Variants in SNX18 observed in about 807,000 individuals in gnomAD.
SNX18 encodes sorting nexin 18, also known as sorting nexin-18.
SNX18 carries 35 observed loss-of-function variants against 48.7 expected under a neutral mutation model. The observed-to-expected ratio is 0.72, with a 90% CI of 0.55 to 0.95. The LOEUF (loss-of-function observed/expected upper bound fraction) is 0.95. SNX18 is among the 40% of genes least tolerant of loss of function. The pLI is 0.00. For synonymous variants in SNX18, 492 were observed against 384.7 expected (o/e 1.28, Z -3.26); for missense variants, 824 against 871.0 (o/e 0.95, Z 0.68).
the SNX18 span, among the ~76,000 whole-genome samples, chr5:54,566,017 C>T: frequency 2.6e-5 from 4 of 152,188 alleles, no homozygotes; most frequent in Non-Finnish European, 5.9e-5. Flanking sequence ...CATAGTCCTT[C>T]TCAACCCGCA....
intron 1 of SNX18, among the ~76,000 whole-genome samples, chr5:54,539,554 C>CTT (rs1385337901): frequency 5.1e-4 from 77 of 152,224 alleles, no homozygotes; most frequent in African/African-American, 1.8e-3. Context: ...TGGAGAAAGC[C>CTT]ATATTCAACT....
intron 1 of SNX18, among the ~76,000 whole-genome samples, chr5:54,526,866 A>G (rs951109111): frequency 1.2e-4 from 19 of 152,104 alleles, no homozygotes; most frequent in African/African-American, 4.3e-4. Context: ...AGTACTAGTA[A>G]GAGTGCTCAA....
At chr5:54,572,373 C>T in the SNX18 span, among the ~76,000 whole-genome samples, 1 of 152,098 alleles carries the variant, frequency 6.6e-6, no homozygotes, top group Admixed American at 6.6e-5. Context: ...AGAGTCCCAC[C>T]ATCACTGGCT....
At chr5:54,580,261 T>C in the SNX18 span, among the ~76,000 whole-genome samples, 3 of 152,186 alleles carry the variant, frequency 2.0e-5, no homozygotes, top group Non-Finnish European at 2.9e-5. Context: ...CTCACTAAGT[T>C]TAGGTTTACA....
the SNX18 span, among the ~76,000 whole-genome samples, chr5:54,608,260 G>A: frequency 3.3e-5 from 5 of 152,100 alleles, no homozygotes; most frequent in Admixed American, 6.6e-5. Context: ...TTTCCCTAAC[G>A]GCTAATGGTA....
At chr5:54,579,019 C>T in the SNX18 span, among the ~76,000 whole-genome samples, 2 of 152,276 alleles carry the variant, frequency 1.3e-5, no homozygotes, top group Non-Finnish European at 2.9e-5. Flanking sequence ...TCTTTCCTAA[C>T]TAGGCTGAAA....
At chr5:54,537,056 G>A (rs1213312209) in intron 1 of SNX18, among the ~76,000 whole-genome samples, 2 of 152,198 alleles carry the variant, frequency 1.3e-5, no homozygotes, top group East Asian at 1.9e-4. Context: ...CAGGCTGGGC[G>A]CTGCAGCTTA....
chr5:54,596,470 G>A, the SNX18 span, among the ~76,000 whole-genome samples: 1 of 152,290 alleles, frequency 6.6e-6, no homozygotes, highest in Non-Finnish European at 1.5e-5. Flanking sequence ...TAATTTGGTT[G>A]CTGCATGCCC....
At chr5:54,606,056 C>T in the SNX18 span, among the ~76,000 whole-genome samples, 64 of 152,222 alleles carry the variant, frequency 4.2e-4, no homozygotes, top group Middle Eastern at 3.4e-3. Context: ...GTATAAAATT[C>T]AATATTGAAA....
chr5:54,587,571 C>T, the SNX18 span, among the ~76,000 whole-genome samples: 1 of 152,194 alleles, frequency 6.6e-6, no homozygotes, highest in African/African-American at 2.4e-5. Context: ...TGCCCAATTA[C>T]TTGCACCTGC....
the SNX18 span, among the ~76,000 whole-genome samples, chr5:54,569,737 G>C: frequency 6.6e-6 from 1 of 152,140 alleles, no homozygotes; most frequent in Non-Finnish European, 1.5e-5. Flanking sequence ...GGTGGCTCAA[G>C]GCTCTAAGAG....
intron 1 of SNX18, among the ~76,000 whole-genome samples, chr5:54,532,004 C>T (rs1333540532): frequency 1.3e-5 from 2 of 152,198 alleles, no homozygotes; most frequent in East Asian, 3.8e-4. Flanking sequence ...GATAGGGTCC[C>T]ATAAGTGCCC....
Position 54,518,843 on chromosome 5 carries a change from C to G in SNX18, c.891C>G (p.Ser297=), listed in dbSNP as rs949826245. The G allele has an allele frequency of 1.9e-6, 3 of 1,611,690 alleles. No homozygotes were observed. Among genetic ancestry groups the G allele is most frequent in the Non-Finnish European group, 2.5e-6 (3 of 1,178,674 alleles). The change falls in exon 1 of 2, where the codon TCC becomes TCG. Residue 297 remains serine, a synonymous_variant. Transcript: ENST00000381410. ...TKFKGMKSYI[S]YKLVPTHTQV... ...TCAAGGGCATGAAGAGCTACATCTC[C>G]TACAAGCTGGTGCCCACGCACACGC...
chr5:54,528,082 A>G (rs529685904), intron 1 of SNX18, among the ~76,000 whole-genome samples: 2 of 152,056 alleles, frequency 1.3e-5, no homozygotes, highest in Admixed American at 1.3e-4. Flanking sequence ...TGTATACCTC[A>G]TGATTTCACT....
the SNX18 span, chr5:54,644,244 G>A: frequency 1.3e-5 from 2 of 152,206 alleles, no homozygotes; most frequent in African/African-American, 4.8e-5. Flanking sequence ...GGAAGTTCTG[G>A]TCCCCTCATC....
chr5:54,576,488 T>C, the SNX18 span, among the ~76,000 whole-genome samples: 2 of 152,220 alleles, frequency 1.3e-5, no homozygotes, highest in African/African-American at 2.4e-5. Flanking sequence ...AAGTACATAG[T>C]TGGGTTGATC....
the SNX18 span, among the ~76,000 whole-genome samples, chr5:54,613,627 A>G: frequency 6.6e-6 from 1 of 152,192 alleles, no homozygotes; most frequent in Non-Finnish European, 1.5e-5. Flanking sequence ...TGGTGGCTAT[A>G]GTTTGTTGTC....
chr5:54,583,614 A>G, the SNX18 span, among the ~76,000 whole-genome samples: 1 of 152,194 alleles, frequency 6.6e-6, no homozygotes, highest in East Asian at 1.9e-4. Flanking sequence ...TTATTTTACC[A>G]ATGCTTAGCT....
the SNX18 span, among the ~76,000 whole-genome samples, chr5:54,603,564 G>T: frequency 6.6e-6 from 1 of 152,132 alleles, no homozygotes; most frequent in South Asian, 2.1e-4. Flanking sequence ...TGTAATTTAA[G>T]AGATTTTTCA....
Sources: gnomAD v4.1 joint callset for allele counts (sites outside exome capture counted in the v4.1 genomes callset) on GRCh38, gnomAD v4.1.1 for gene constraint, MANE v1.5 for transcripts, NCBI Gene and HGNC (gene_info 2026-07-23, HGNC 2026-07-21) for gene names.